The following EFL1 variants were observed in gnomAD, a reference collection of about 807,000 sequenced individuals.
EFL1 encodes the protein elongation factor like GTPase 1, also known as elongation factor-like GTPase 1.
Under a neutral mutation model 126.7 loss-of-function variants are expected in EFL1, and 76 were observed. The observed-to-expected ratio is 0.60, with a 90% CI of 0.50 to 0.73. The LOEUF (loss-of-function observed/expected upper bound fraction) is 0.73. Among genes scored for constraint, EFL1 ranks in the 30% least tolerant of loss-of-function variants. EFL1 has a pLI of 0.00. For missense variants in EFL1, 1,128 were observed against 1,343.2 expected, an observed-to-expected ratio of 0.84 and a Z score of 2.50; for synonymous variants, 410 against 448.4, an observed-to-expected ratio of 0.91 and a Z score of 1.08.
chr15:82,193,519 T>C (rs1226975186), intron 15 of EFL1, among the ~76,000 whole-genome samples: 2 of 152,262 alleles, frequency 1.3e-5, no homozygotes, highest in African/African-American at 4.8e-5. Flanking sequence ...ATGGCATTAT[T>C]ACATTTAAGA....
At chr15:82,250,036 A>T (rs1295723264) in intron 4 of EFL1, among the ~76,000 whole-genome samples, 2 of 152,056 alleles carry the variant, frequency 1.3e-5, no homozygotes, top group Non-Finnish European at 2.9e-5. Flanking sequence ...GAAGTGGGTG[A>T]GAAGGAGGGG....
intron 18 of EFL1, 40 bp downstream of exon 18, chr15:82,151,425 T>C (rs2073905360): frequency 3.9e-6 from 6 of 1,538,680 alleles, no homozygotes; most frequent in Non-Finnish European, 5.3e-6. Context: ...TTCACTGTTA[T>C]TCAGGGCATT....
chr15:82,224,493 T>C (rs1018434040), intron 12 of EFL1, among the ~76,000 whole-genome samples: 7 of 152,196 alleles, frequency 4.6e-5, no homozygotes, highest in African/African-American at 1.4e-4. Context: ...TTAAGGGTTT[T>C]TGAGCAAGAG....
At chr15:82,186,325 G>GTTTC (rs2074303194) in intron 15 of EFL1, among the ~76,000 whole-genome samples, 1 of 152,066 alleles carries the variant, frequency 6.6e-6, no homozygotes, top group African/African-American at 2.4e-5. Context: ...AGCAATAAGG[G>GTTTC]GGAAAGGCCA....
At chr15:82,192,839 T>TA (rs1187529837) in intron 15 of EFL1, among the ~76,000 whole-genome samples, 1 of 149,964 alleles carries the variant, frequency 6.7e-6, no homozygotes, top group Admixed American at 6.7e-5. Context: ...CCACTTTTAT[T>TA]AAAAAAAGAA....
At chr15:82,187,222 T>C (rs1016133514) in intron 15 of EFL1, among the ~76,000 whole-genome samples, 1 of 152,196 alleles carries the variant, frequency 6.6e-6, no homozygotes, top group Non-Finnish European at 1.5e-5. Flanking sequence ...CATTGTGACA[T>C]ATGCCTGGAG....
intron 15 of EFL1, among the ~76,000 whole-genome samples, chr15:82,199,778 T>C (rs986815241): frequency 1.3e-5 from 2 of 152,248 alleles, no homozygotes; most frequent in African/African-American, 4.8e-5. Context: ...TTTTTCTATA[T>C]AATTACCTTT....
intron 15 of EFL1, among the ~76,000 whole-genome samples, chr15:82,202,478 T>C (rs2074479631): frequency 6.6e-6 from 1 of 152,232 alleles, no homozygotes; most frequent in Non-Finnish European, 1.5e-5. Flanking sequence ...AACAATTATG[T>C]TGCTTAATTG....
chr15:82,178,314 G>A (rs75676799), intron 15 of EFL1, among the ~76,000 whole-genome samples: 31 of 152,188 alleles, frequency 2.0e-4, no homozygotes, highest in African/African-American at 7.5e-4. Flanking sequence ...CAGTTCATAC[G>A]GGGCCTTATT....
intron 6 of EFL1, among the ~76,000 whole-genome samples, chr15:82,239,301 T>G (rs2074906915): frequency 6.6e-6 from 1 of 152,062 alleles, no homozygotes; most frequent in Admixed American, 6.5e-5. Context: ...CACGCCCGGC[T>G]AATTTTTTGT....
intron 13 of EFL1, 97 bp from the exon 14 acceptor site, chr15:82,219,915 C>G: frequency 6.7e-7 from 1 of 1,491,908 alleles, no homozygotes. Flanking sequence ...TATCTTTCGT[C>G]AAGTTTCAGG....
intron 15 of EFL1, among the ~76,000 whole-genome samples, chr15:82,200,150 T>C (rs1450430053): frequency 6.6e-6 from 1 of 152,162 alleles, no homozygotes; most frequent in Non-Finnish European, 1.5e-5. Flanking sequence ...CAAACCTGAA[T>C]ACCCAAGCTT....
intron 15 of EFL1, among the ~76,000 whole-genome samples, chr15:82,204,874 T>C (rs1451600704): frequency 2.0e-5 from 3 of 152,256 alleles, no homozygotes; most frequent in Admixed American, 1.3e-4. Flanking sequence ...GTTTCCAGCA[T>C]ATCTTTGGAA....
chr15:82,190,952 G>A (rs2074353142), intron 15 of EFL1, among the ~76,000 whole-genome samples: 1 of 151,538 alleles, frequency 6.6e-6, no homozygotes, highest in African/African-American at 2.4e-5. Context: ...TATATATACT[G>A]TGCAGGTATT....
At chr15:82,251,916 A>C (rs2075025410) in intron 4 of EFL1, among the ~76,000 whole-genome samples, 1 of 152,238 alleles carries the variant, frequency 6.6e-6, no homozygotes, top group Non-Finnish European at 1.5e-5. Flanking sequence ...GTTTCTCCAT[A>C]ATCTAGCCCC....
intron 4 of EFL1, among the ~76,000 whole-genome samples, chr15:82,247,709 G>C (rs916853510): frequency 6.6e-6 from 1 of 152,058 alleles, no homozygotes. Context: ...TGAGGATGTA[G>C]CGATGTTTGT....
At chr15:82,225,983 AG>A (rs2074759546) in intron 11 of EFL1, among the ~76,000 whole-genome samples, 1 of 152,234 alleles carries the variant, frequency 6.6e-6, no homozygotes, top group Admixed American at 6.5e-5. Context: ...AGAAAACCAC[AG>A]GAAGTAAGAA....
intron 9 of EFL1, 67 bp downstream of exon 9, chr15:82,228,967 T>C: frequency 7.5e-7 from 1 of 1,332,524 alleles, no homozygotes; most frequent in Non-Finnish European, 1.0e-6. Context: ...ATATGACTCA[T>C]CAAACTGGAA....
intron 19 of EFL1, among the ~76,000 whole-genome samples, chr15:82,133,070 T>C (rs1328057411): frequency 6.6e-6 from 1 of 152,104 alleles, no homozygotes; most frequent in Non-Finnish European, 1.5e-5. Flanking sequence ...TAGGTGTAGC[T>C]ATGTAGGGGG....
Sources: gnomAD v4.1 joint callset for allele counts (sites outside exome capture counted in the v4.1 genomes callset) on GRCh38, gnomAD v4.1.1 for gene constraint, MANE v1.5 for transcripts, NCBI Gene and HGNC (gene_info 2026-07-23, HGNC 2026-07-21) for gene names.